AGBL4: variants seen among roughly 807,000 people sequenced by gnomAD.
The protein encoded by AGBL4 is cytosolic carboxypeptidase 6.
AGBL4 carries 58 observed loss-of-function variants against 66.4 expected under a neutral mutation model. That is an observed-to-expected ratio of 0.87 (90% CI 0.71 to 1.09). The LOEUF is 1.09. Among genes scored for constraint, AGBL4 ranks in the 50% least tolerant of loss-of-function variants. The probability of loss-of-function intolerance (pLI) is 0.00; values close to 1 mark genes in which losing one functional copy is unlikely to be tolerated. For synonymous variants in AGBL4, 234 were observed against 222.9 expected (o/e 1.05, Z -0.44); for missense variants, 579 against 631.0 (o/e 0.92, Z 0.88).
At chr1:48,622,632 C>A (rs1029355971) in intron 9 of AGBL4, among the ~76,000 whole-genome samples, 1 of 151,806 alleles carries the variant, frequency 6.6e-6, no homozygotes, top group African/African-American at 2.4e-5. Context: ...TACAGGCACC[C>A]ACCACCATGC....
chr1:49,686,999 G>T (rs974913482), intron 3 of AGBL4, among the ~76,000 whole-genome samples: 1 of 152,122 alleles, frequency 6.6e-6, no homozygotes, highest in African/African-American at 2.4e-5. Context: ...GTCGCTGTAG[G>T]GAACTACAAG....
chr1:48,616,650 A>G (rs1645323708), intron 9 of AGBL4, among the ~76,000 whole-genome samples: 1 of 152,208 alleles, frequency 6.6e-6, no homozygotes, highest in Non-Finnish European at 1.5e-5. Flanking sequence ...ATTAAGTGAG[A>G]TAATGTGTGT....
intron 3 of AGBL4, among the ~76,000 whole-genome samples, chr1:49,380,831 T>A (rs1416964699): frequency 6.6e-6 from 1 of 152,276 alleles, no homozygotes; most frequent in South Asian, 2.1e-4. Flanking sequence ...TTACACCTTA[T>A]ACAAAAATTA....
intron 3 of AGBL4, among the ~76,000 whole-genome samples, chr1:49,264,957 GATCTTTTCTT>G (rs1489964841): frequency 6.6e-6 from 1 of 152,088 alleles, no homozygotes; most frequent in Non-Finnish European, 1.5e-5. Flanking sequence ...CACACTCAGT[GATCTTTTCTT>G]ATCTTTTATG....
intron 2 of AGBL4, among the ~76,000 whole-genome samples, chr1:49,801,829 C>CA (rs911332384): frequency 7.2e-5 from 11 of 152,224 alleles, no homozygotes; most frequent in African/African-American, 2.6e-4. Context: ...AATCCTTATT[C>CA]AAAAAATGTC....
intron 1 of AGBL4, among the ~76,000 whole-genome samples, chr1:50,023,418 C>T (rs1382020496): frequency 6.6e-6 from 1 of 152,156 alleles, no homozygotes; most frequent in African/African-American, 2.4e-5. Context: ...CAGTGTACAC[C>T]CTTTCCATGA....
chr1:49,933,633 A>T (rs902191713), intron 1 of AGBL4, among the ~76,000 whole-genome samples: 1 of 152,150 alleles, frequency 6.6e-6, no homozygotes, highest in Non-Finnish European at 1.5e-5. Flanking sequence ...GCAAATTATG[A>T]CAATAACAAA....
intron 4 of AGBL4, among the ~76,000 whole-genome samples, chr1:49,054,359 G>T (rs1644272908): frequency 6.6e-6 from 1 of 151,896 alleles, no homozygotes; most frequent in African/African-American, 2.4e-5. Context: ...ATACTGTCTT[G>T]GTAGTGCTGA....
chr1:49,940,640 G>A (rs1654652980), intron 1 of AGBL4, among the ~76,000 whole-genome samples: 1 of 151,148 alleles, frequency 6.6e-6, no homozygotes, highest in African/African-American at 2.4e-5. Flanking sequence ...TCATAGGTGG[G>A]AATTGAACAA....
chr1:49,150,695 C>A (rs1181810327), intron 4 of AGBL4, among the ~76,000 whole-genome samples: 1 of 152,144 alleles, frequency 6.6e-6, no homozygotes, highest in Non-Finnish European at 1.5e-5. Context: ...TTGGCTAAAT[C>A]CTATTTATCT....
intron 9 of AGBL4, among the ~76,000 whole-genome samples, chr1:48,633,708 A>G (rs1451379890): frequency 6.6e-6 from 1 of 152,182 alleles, no homozygotes; most frequent in African/African-American, 2.4e-5. Flanking sequence ...CTCTTCAGAG[A>G]CAGAATACCG....
intron 6 of AGBL4, among the ~76,000 whole-genome samples, chr1:48,757,413 G>T (rs961388329): frequency 2.0e-5 from 3 of 152,094 alleles, no homozygotes; most frequent in Non-Finnish European, 4.4e-5. Flanking sequence ...AACCATATGC[G>T]ACTTTTCGTG....
intron 6 of AGBL4, among the ~76,000 whole-genome samples, chr1:48,851,207 C>T (rs1009642432): frequency 1.3e-5 from 2 of 152,176 alleles, no homozygotes; most frequent in South Asian, 4.1e-4. Context: ...CAGCCCATGT[C>T]TGGGCTTCAG....
intron 1 of AGBL4, among the ~76,000 whole-genome samples, chr1:49,918,811 G>T (rs1651870703): frequency 6.6e-6 from 1 of 152,174 alleles, no homozygotes; most frequent in Non-Finnish European, 1.5e-5. Context: ...TATCCTTGAT[G>T]AACATCGATG....
chr1:49,643,648 C>A (rs1010351919), intron 3 of AGBL4, among the ~76,000 whole-genome samples: 2 of 151,558 alleles, frequency 1.3e-5, no homozygotes, highest in Non-Finnish European at 3.0e-5. Flanking sequence ...TGGTTGAAAA[C>A]AATGCAAGCT....
intron 3 of AGBL4, among the ~76,000 whole-genome samples, chr1:49,299,930 A>G (rs978758474): frequency 6.6e-6 from 1 of 151,918 alleles, no homozygotes; most frequent in East Asian, 1.9e-4. Flanking sequence ...TTTAATGTTG[A>G]GCCAGTTTTG....
chr1:49,774,742 A>C (rs1412688524), intron 2 of AGBL4, among the ~76,000 whole-genome samples: 1 of 152,220 alleles, frequency 6.6e-6, no homozygotes, highest in African/African-American at 2.4e-5. Context: ...CAGGTTATGC[A>C]AAATCCAGTA....
chr1:49,951,511 T>G (rs1017976013), intron 1 of AGBL4, among the ~76,000 whole-genome samples: 1 of 151,926 alleles, frequency 6.6e-6, no homozygotes, highest in African/African-American at 2.4e-5. Flanking sequence ...AACCTTAGAT[T>G]GGCACCACCC....
chr1:49,508,997 T>C (rs576124026), intron 3 of AGBL4, among the ~76,000 whole-genome samples: 1 of 151,900 alleles, frequency 6.6e-6, no homozygotes, highest in Non-Finnish European at 1.5e-5. Context: ...GTAGGGAACA[T>C]GGATAAGATA....
Sources: allele counts gnomAD v4.1 joint callset (sites outside exome capture counted in the v4.1 genomes callset), GRCh38; gene constraint gnomAD v4.1.1; transcripts MANE v1.5; gene names NCBI Gene and HGNC (gene_info 2026-07-23, HGNC 2026-07-21).